Variants in POF1B observed in about 807,000 individuals in gnomAD.
POF1B encodes the protein POF1B actin binding protein, also known as protein POF1B.
POF1B carries 53 observed loss-of-function variants against 55.3 expected under a neutral mutation model. The observed-to-expected ratio is 0.96, with a 90% CI of 0.77 to 1.20. The LOEUF is 1.20. Among genes scored for constraint, POF1B ranks in the 50% most tolerant of loss-of-function variants. The probability of loss-of-function intolerance (pLI) is 0.00; values close to 1 mark genes in which losing one functional copy is unlikely to be tolerated. For synonymous variants in POF1B, 188 were observed against 148.3 expected (o/e 1.27, Z -1.95); for missense variants, 478 against 420.5 (o/e 1.14, Z -1.20).
At chrX:85,355,882 A>G (rs1213347869) in intron 4 of POF1B, among the ~76,000 whole-genome samples, 1 of 111,804 alleles carries the variant, frequency 8.9e-6, no homozygotes, top group African/African-American at 3.3e-5. Flanking sequence ...TAGTTCAACC[A>G]TTGTGGAAGA....
intron 7 of POF1B, among the ~76,000 whole-genome samples, chrX:85,325,394 T>C (rs776927070): frequency 8.9e-6 from 1 of 112,176 alleles, no homozygotes; most frequent in South Asian, 3.7e-4. Flanking sequence ...TTGTTTGTTC[T>C]TTTTCTCTGA....
chrX:85,292,829 G>GA (rs892785960), intron 15 of POF1B, among the ~76,000 whole-genome samples: 6 of 96,772 alleles, frequency 6.2e-5, no homozygotes, highest in East Asian at 6.5e-4. Context: ...AAGTTTACAA[G>GA]AAAAAAAACA....
chrX:85,308,026 C>T (rs1337210858), intron 10 of POF1B, 98 bp downstream of exon 10: 6 of 437,939 alleles, frequency 1.4e-5, no homozygotes, highest in Non-Finnish European at 1.5e-5. Context: ...TAATATTGTG[C>T]TATATTAAAT....
At position 85,379,441 on chromosome X, in the gene POF1B, T is replaced by C; in HGVS notation, c.14A>G (p.Tyr5Cys). 8.3e-7 allele frequency: 1 copy of C among 1,208,488 alleles called. No homozygotes were observed. The highest frequency in any genetic ancestry group is 1.8e-5 in the South Asian group (1 of 56,619). Residue 5 changes from tyrosine (Y) to cysteine (C), a missense_variant, in exon 2 of 17, where the codon TAT (tyrosine) becomes TGT (cysteine). Transcript: ENST00000262753. Reference protein sequence around the residue: MSSSYWSETSSSSCG... With the variant: MSSSCWSETSSSSCG... ...GCTGCTGCTGCTCGTCTCACTCCAA[T>C]AGCTCGAGCTCATCTTCTTCCAGTG...
intron 4 of POF1B, among the ~76,000 whole-genome samples, chrX:85,356,771 C>A (rs1414782131): frequency 3.6e-5 from 4 of 111,099 alleles, no homozygotes; most frequent in African/African-American, 1.3e-4. Context: ...CCAGATCCAC[C>A]CTAAAAATTA....
At chrX:85,344,899 G>A (rs1175137381) in intron 6 of POF1B, among the ~76,000 whole-genome samples, 3 of 111,675 alleles carry the variant, frequency 2.7e-5, no homozygotes, top group Non-Finnish European at 1.9e-5. Flanking sequence ...ATGCAGATGT[G>A]AGTCACCGAA....
intron 15 of POF1B, among the ~76,000 whole-genome samples, chrX:85,296,654 CTT>C (rs1263100860): frequency 1.8e-5 from 2 of 111,911 alleles, no homozygotes; most frequent in Non-Finnish European, 3.8e-5. Context: ...AGCCTTCTCT[CTT>C]GTTGCCTTTA....
At chrX:85,362,661 T>C (rs1451617111) in intron 3 of POF1B, among the ~76,000 whole-genome samples, 4 of 111,582 alleles carry the variant, frequency 3.6e-5, no homozygotes, top group Non-Finnish European at 5.6e-5. Context: ...TGGTGGAGGA[T>C]TTTTGCATCA....
chrX:85,289,754 G>C (rs1932139747), intron 15 of POF1B, among the ~76,000 whole-genome samples: 1 of 111,474 alleles, frequency 9.0e-6, no homozygotes, highest in Non-Finnish European at 1.9e-5. Flanking sequence ...TTAGTTTAGG[G>C]AAAGTACTAA....
At chrX:85,334,305 A>G (rs886106731) in intron 6 of POF1B, among the ~76,000 whole-genome samples, 1 of 110,932 alleles carries the variant, frequency 9.0e-6, no homozygotes. Flanking sequence ...GCTGCACCTC[A>G]TATATACTCA....
Position 85,305,784 on chromosome X carries a change from A to G in POF1B, c.1437+7T>C. The G allele has an allele frequency of 8.3e-7, 1 of 1,207,161 alleles. No homozygotes were observed. Among genetic ancestry groups the G allele is most frequent in the Non-Finnish European group, 1.1e-6 (1 of 893,031 alleles). ...CTGTGTATTTATGCAATGTAGGATC[A>G]ACATACCCTCAGTCTGCAGATCTCT... On this transcript the variant is annotated splice_region_variant and intron_variant, in intron 13 of 16. Transcript: ENST00000262753.
chrX:85,375,169 G>A (rs956591407), intron 2 of POF1B, among the ~76,000 whole-genome samples: 2 of 110,897 alleles, frequency 1.8e-5, no homozygotes, highest in Non-Finnish European at 3.8e-5. Flanking sequence ...ATACTTTATT[G>A]AAAATCAAAA....
chrX:85,355,508 A>C lies in POF1B; in HGVS notation c.438+4042T>G, dbSNP rs186519227. ...CTGCACAGCAAAAGAAACTACCATC[A>C]GAGTGAAAAGGCAACCTACAGAATG... is the stretch of plus-strand genomic sequence containing the variant. On this transcript the variant is annotated intron_variant, in intron 4 of 16. Transcript: ENST00000262753. Among the ~76,000 whole-genome samples, 350 of 111,909 alleles carry C rather than the reference A, an allele frequency of 3.1e-3. 1 individual carries two copies. Among genetic ancestry groups the C allele is most frequent in the African/African-American group, 0.011 (331 of 30,808 alleles).
intron 9 of POF1B, among the ~76,000 whole-genome samples, chrX:85,312,719 A>G (rs1932735406): frequency 9.0e-6 from 1 of 111,343 alleles, no homozygotes; most frequent in Non-Finnish European, 1.9e-5. Context: ...AAGAAAGTCA[A>G]TGGTAGCTTG....
chrX:85,329,486 T>G (rs2147924135), intron 7 of POF1B, among the ~76,000 whole-genome samples: 1 of 111,182 alleles, frequency 9.0e-6, no homozygotes, highest in East Asian at 2.9e-4. Context: ...TGAAGGCATT[T>G]GTTCATTCAG....
At chrX:85,280,700 T>G (rs1387559804) in intron 16 of POF1B, among the ~76,000 whole-genome samples, 3 of 111,431 alleles carry the variant, frequency 2.7e-5, no homozygotes, top group Non-Finnish European at 5.7e-5. Flanking sequence ...AAGTCAGATC[T>G]GTATGATTTG....
At chrX:85,350,254 A>T (rs938799082) in intron 5 of POF1B, among the ~76,000 whole-genome samples, 2 of 107,368 alleles carry the variant, frequency 1.9e-5, no homozygotes, top group Admixed American at 2.0e-4. Context: ...TCATTGCTCA[A>T]TTCCCACCTA....
chrX:85,337,781 C>A (rs1933102213), intron 6 of POF1B, among the ~76,000 whole-genome samples: 1 of 111,730 alleles, frequency 9.0e-6, no homozygotes, highest in African/African-American at 3.2e-5. Context: ...GTGGAGCTTC[C>A]ATTTCCCATT....
intron 15 of POF1B, among the ~76,000 whole-genome samples, chrX:85,283,186 A>G (rs1257171875): frequency 9.0e-6 from 1 of 111,588 alleles, no homozygotes; most frequent in Non-Finnish European, 1.9e-5. Flanking sequence ...TAAAATCACA[A>G]TTCATGGCAT....
Sources: allele counts gnomAD v4.1 joint callset (sites outside exome capture counted in the v4.1 genomes callset), GRCh38; gene constraint gnomAD v4.1.1; transcripts MANE v1.5; gene names NCBI Gene and HGNC (gene_info 2026-07-23, HGNC 2026-07-21).